Variants in GNAL observed in about 807,000 individuals in gnomAD.
GNAL encodes the protein G protein subunit alpha L, also known as guanine nucleotide-binding protein G(olf) subunit alpha.
A neutral mutation model predicts 55.1 loss-of-function variants in GNAL; 18 were observed. The ratio of observed to expected loss-of-function variants is 0.33; its 90% CI spans 0.23 to 0.48. The LOEUF is 0.48. Among genes scored for constraint, GNAL ranks in the 20% least tolerant of loss-of-function variants. The pLI is 0.99. For synonymous variants in GNAL, 253 were observed against 237.0 expected, an observed-to-expected ratio of 1.07 and a Z score of -0.62; for missense variants, 412 against 614.1, an observed-to-expected ratio of 0.67 and a Z score of 3.48.
intron 4 of GNAL, among the ~76,000 whole-genome samples, chr18:11,796,835 ATTACTCAT>A (rs1255749711): frequency 6.6e-6 from 1 of 152,146 alleles, no homozygotes; most frequent in African/African-American, 2.4e-5. Context: ...TAAGTATCCC[ATTACTCAT>A]TTCCAAATTT....
chr18:11,725,984 C>G (rs765962503), intron 1 of GNAL, among the ~76,000 whole-genome samples: 1 of 152,218 alleles, frequency 6.6e-6, no homozygotes, highest in Non-Finnish European at 1.5e-5. Flanking sequence ...TGTGACCGTT[C>G]GGTCCCAGCA....
intron 4 of GNAL, among the ~76,000 whole-genome samples, chr18:11,755,024 G>GTGTGTA (rs947791489): frequency 2.0e-5 from 3 of 148,002 alleles, no homozygotes; most frequent in African/African-American, 7.7e-5. Flanking sequence ...GTGTGTGTGT[G>GTGTGTA]TGTGTATGTG....
At chr18:11,702,518 A>G (rs1598402005) in intron 1 of GNAL, among the ~76,000 whole-genome samples, 3 of 152,348 alleles carry the variant, frequency 2.0e-5, no homozygotes, top group African/African-American at 7.2e-5. Context: ...GAAGGACGTC[A>G]GTGCTGTGTT....
chr18:11,786,154 A>G (rs566711837), intron 4 of GNAL, among the ~76,000 whole-genome samples: 1 of 152,294 alleles, frequency 6.6e-6, no homozygotes, highest in East Asian at 1.9e-4. Context: ...TTCCGTGCAC[A>G]TTAGAATATG....
At chr18:11,865,707 A>G (rs1042123209) in intron 7 of GNAL, among the ~76,000 whole-genome samples, 1 of 141,464 alleles carries the variant, frequency 7.1e-6, no homozygotes, top group Non-Finnish European at 1.5e-5. Context: ...GTGGGCCATG[A>G]TTAGGCCATT....
At chr18:11,851,234 C>A (rs1179105452) in intron 5 of GNAL, among the ~76,000 whole-genome samples, 7 of 152,224 alleles carry the variant, frequency 4.6e-5, no homozygotes, top group Admixed American at 4.6e-4. Flanking sequence ...GCGCAGGAAG[C>A]GAGCGTTCCC....
chr18:11,801,451 G>A (rs2034520315), intron 4 of GNAL, among the ~76,000 whole-genome samples: 1 of 152,148 alleles, frequency 6.6e-6, no homozygotes, highest in African/African-American at 2.4e-5. Flanking sequence ...AACTAGGGAG[G>A]CTGAGACAGG....
At chr18:11,856,809 T>A (rs972805441) in intron 5 of GNAL, among the ~76,000 whole-genome samples, 3 of 152,174 alleles carry the variant, frequency 2.0e-5, no homozygotes. Flanking sequence ...TGCACACCTG[T>A]AATCCCAGCT....
Position 11,751,626 on chromosome 18 carries a change from T to C in GNAL, c.377-1227T>C. On this transcript the variant is annotated intron_variant, in intron 1 of 11. Transcript: ENST00000334049. This position sits in a 1 kb window ranked among gnomAD's most constrained non-coding sequence, Gnocchi z 4.5. Reference sequence around the variant, plus strand: ...ACGGGGCGCGCGCCCAGACGCACTTTCCCGGCTCGGGGTGCAAGAGAGCCA... The same window carrying C: ...ACGGGGCGCGCGCCCAGACGCACTTCCCCGGCTCGGGGTGCAAGAGAGCCA... 1.0e-6 allele frequency: 1 copy of C among 985,358 alleles called. No homozygotes were observed. The highest frequency in any genetic ancestry group is 1.2e-6 in the Non-Finnish European group (1 of 829,958). 61.0% of individuals were successfully genotyped at this position (985,358 alleles called of 1,614,324 possible).
intron 1 of GNAL, among the ~76,000 whole-genome samples, chr18:11,691,384 C>T (rs1020745995): frequency 5.9e-4 from 89 of 151,418 alleles, no homozygotes; most frequent in Non-Finnish European, 8.2e-4. Flanking sequence ...GAGTAGGTTG[C>T]GAAAATTTTC....
intron 4 of GNAL, among the ~76,000 whole-genome samples, chr18:11,756,028 A>G (rs1412996023): frequency 1.3e-5 from 2 of 152,218 alleles, no homozygotes; most frequent in African/African-American, 2.4e-5. Context: ...AACATCTTAT[A>G]TATTTGGGGG....
chr18:11,828,893 A>G (rs989445492), intron 5 of GNAL, among the ~76,000 whole-genome samples: 2 of 152,206 alleles, frequency 1.3e-5, no homozygotes, highest in African/African-American at 2.4e-5. Flanking sequence ...TTGTGGGATT[A>G]AATAAGTAGA....
intron 4 of GNAL, among the ~76,000 whole-genome samples, chr18:11,795,933 G>T (rs2034366313): frequency 6.6e-6 from 1 of 152,192 alleles, no homozygotes; most frequent in African/African-American, 2.4e-5. Context: ...CCAGCTCCAG[G>T]TGATTGGGGA....
intron 4 of GNAL, among the ~76,000 whole-genome samples, chr18:11,803,551 G>A (rs1352524311): frequency 1.3e-5 from 2 of 152,220 alleles, no homozygotes; most frequent in Non-Finnish European, 2.9e-5. Context: ...TATTATTTGT[G>A]TATATTTAAA....
rs542799711 is a variant in GNAL at position 11,840,472 on chromosome 18, A to G, written c.722+15457A>G. On this transcript the variant is annotated intron_variant, in intron 5 of 11. Transcript: ENST00000334049. ...TAATGACATCCCAGATCTCTTTTAA[A>G]ATAGGAGACTCAGCAGAGGTGAACA... 7.2e-5 allele frequency among the ~76,000 whole-genome samples: 11 copies of G among 152,358 alleles called. 1 individual carries two copies. The South Asian group carries it at 2.3e-3, about 32-fold the overall frequency.
At chr18:11,753,397 A>G (rs1192908607) in intron 2 of GNAL, among the ~76,000 whole-genome samples, 1 of 152,196 alleles carries the variant, frequency 6.6e-6, no homozygotes, top group Non-Finnish European at 1.5e-5. Flanking sequence ...GTTTAAAGCT[A>G]TAGATTTTTA....
intron 1 of GNAL, among the ~76,000 whole-genome samples, chr18:11,733,917 G>C (rs953094796): frequency 6.6e-6 from 1 of 151,300 alleles, no homozygotes; most frequent in African/African-American, 2.4e-5. Flanking sequence ...TTGTGTGTGC[G>C]TGTCATTCTG....
chr18:11,721,627 G>A (rs2032095309), intron 1 of GNAL, among the ~76,000 whole-genome samples: 1 of 152,014 alleles, frequency 6.6e-6, no homozygotes, highest in South Asian at 2.1e-4. Flanking sequence ...ATGGTGGCAG[G>A]TACTTGTAAT....
At chr18:11,869,759 A>G (rs2036351901) in intron 9 of GNAL, among the ~76,000 whole-genome samples, 1 of 152,034 alleles carries the variant, frequency 6.6e-6, no homozygotes, top group Non-Finnish European at 1.5e-5. Flanking sequence ...CAAAAAATAC[A>G]AAAATTAGGC....
Sources: allele counts gnomAD v4.1 joint callset (sites outside exome capture counted in the v4.1 genomes callset), GRCh38; gene constraint gnomAD v4.1.1; non-coding constraint Gnocchi (gnomAD v3.1); transcripts MANE v1.5; gene names NCBI Gene and HGNC (gene_info 2026-07-23, HGNC 2026-07-21).